The following USP32 variants were observed in gnomAD, a reference collection of about 807,000 sequenced individuals.
USP32 encodes the protein ubiquitin carboxyl-terminal hydrolase 32.
Under a neutral mutation model 204.8 loss-of-function variants are expected in USP32, and 59 were observed. The ratio of observed to expected loss-of-function variants is 0.29; its 90% CI spans 0.23 to 0.36. USP32 has a LOEUF of 0.36. Among genes scored for constraint, USP32 ranks in the 10% least tolerant of loss-of-function variants. The pLI is 1.00. For synonymous variants in USP32, 517 were observed against 678.4 expected (o/e 0.76, Z 3.70); for missense variants, 1,160 against 1,946.4 (o/e 0.60, Z 7.60).
chr17:60,220,884 G>A (rs1164266012), intron 15 of USP32, among the ~76,000 whole-genome samples: 3 of 151,862 alleles, frequency 2.0e-5, no homozygotes, highest in Non-Finnish European at 1.5e-5. Context: ...TCCTGACTTC[G>A]TGATCCGCCC....
rs1205541743 is a variant in USP32 at position 60,211,524 on chromosome 17, A to G, written c.2180-10T>C. ...CCCTTTTCTGTGGGAACTGGAACAA[A>G]CAATATGAGAACCAAAGCTTAGCTG... On this transcript the variant is annotated splice_polypyrimidine_tract_variant and intron_variant, in intron 19 of 33. Transcript: ENST00000300896. The G allele has an allele frequency of 6.2e-7, 1 of 1,606,246 alleles. No individual in the cohort carries two copies. Among genetic ancestry groups the G allele is most frequent in the East Asian group, 2.2e-5 (1 of 44,744 alleles).
chr17:60,220,019 T>C (rs1029022405), intron 15 of USP32, among the ~76,000 whole-genome samples: 5 of 151,538 alleles, frequency 3.3e-5, no homozygotes, highest in African/African-American at 9.7e-5. Context: ...TCTTCTCCCC[T>C]TTTATTTAAA....
intron 15 of USP32, among the ~76,000 whole-genome samples, chr17:60,220,330 T>A (rs1195312914): frequency 6.6e-6 from 1 of 152,188 alleles, no homozygotes; most frequent in African/African-American, 2.4e-5. Context: ...TTCGTTAATA[T>A]GAAGAGTATT....
intron 3 of USP32, among the ~76,000 whole-genome samples, chr17:60,298,256 C>T (rs1016849710): frequency 8.5e-5 from 13 of 152,188 alleles, no homozygotes; most frequent in African/African-American, 3.1e-4. Context: ...TGGCCAACCT[C>T]TTCAGCATAA....
rs546051518 is a variant in USP32, at chr17:60,197,793, C to T, written c.3434+467G>A. ...TATCTAGATTTATGAAATTACTTCA[C>T]GTTAAAATGACATGGTAAGGGAAAA... On this transcript the variant is annotated intron_variant, in intron 27 of 33. Coordinates refer to ENST00000300896, the MANE Select transcript of USP32 (RefSeq NM_032582.4). Among the ~76,000 whole-genome samples, 333 of 152,052 alleles carry T rather than the reference C, an allele frequency of 2.2e-3. 4 individuals carry two copies. The highest frequency in any genetic ancestry group is 7.5e-3 in the African/African-American group (311 of 41,472).
chr17:60,291,533 G>C (rs2087275012), intron 4 of USP32, among the ~76,000 whole-genome samples: 1 of 133,386 alleles, frequency 7.5e-6, no homozygotes, highest in Non-Finnish European at 1.6e-5. Context: ...CTCTCTGTGT[G>C]TGTATGTGTG....
chr17:60,208,867 A>G lies in USP32; in HGVS notation c.2599-39T>C, dbSNP rs762804973. ...AGATGAGAATTTTCTCTCAAAATCC[A>G]AAAGAGAAGCATTTCTATATAAATT... is the stretch of plus-strand genomic sequence containing the variant. On this transcript the variant is annotated intron_variant, in intron 22 of 33. Coordinates refer to ENST00000300896, the MANE Select transcript of USP32 (RefSeq NM_032582.4). 3.3e-5 allele frequency: 50 copies of G among 1,519,396 alleles called. 1 individual carries two copies. The South Asian group carries it at 3.8e-4, about 11-fold the overall frequency. The allele number at this position is 1,519,396 out of a possible 1,614,324, so 94.1% of individuals were successfully genotyped here. A position where few individuals can be genotyped will look rare whatever the true frequency, so the allele number is the denominator to read the frequency against.
intron 1 of USP32, among the ~76,000 whole-genome samples, chr17:60,356,402 T>C (rs756546968): frequency 6.6e-6 from 1 of 152,084 alleles, no homozygotes; most frequent in Non-Finnish European, 1.5e-5. Context: ...TCTCTCACTT[T>C]GGCTGACCTT....
rs1046657086 is a variant in USP32 at position 60,371,856 on chromosome 17, T to C, written c.58+20026A>G. 5.3e-5 allele frequency among the ~76,000 whole-genome samples: 8 copies of C among 152,270 alleles called. No homozygotes were observed. The South Asian group carries it at 1.7e-3, about 32-fold the overall frequency. The stretch of plus-strand genomic sequence containing the variant: ...GTGACAGTGTTCAGGGTTGAATTAG[T>C]GATAAATACTTAGAATACTAAGCAA... On this transcript the variant is annotated intron_variant, in intron 1 of 33. Coordinates refer to ENST00000300896, the MANE Select transcript of USP32 (RefSeq NM_032582.4).
intron 1 of USP32, among the ~76,000 whole-genome samples, chr17:60,352,044 G>C (rs557548798): frequency 6.6e-6 from 1 of 152,278 alleles, no homozygotes; most frequent in Non-Finnish European, 1.5e-5. Flanking sequence ...TATAAATGGA[G>C]TACAGGGTAT....
chr17:60,319,584 C>T (rs2088064146), intron 2 of USP32, among the ~76,000 whole-genome samples: 1 of 152,048 alleles, frequency 6.6e-6, no homozygotes, highest in Admixed American at 6.6e-5. Flanking sequence ...TTGAGACCAG[C>T]CTGGGCAACA....
intron 2 of USP32, among the ~76,000 whole-genome samples, chr17:60,322,664 G>C (rs1232288058): frequency 6.6e-6 from 1 of 152,078 alleles, no homozygotes; most frequent in South Asian, 2.1e-4. Flanking sequence ...TAGACTTGGA[G>C]TTACATTTAT....
intron 1 of USP32, among the ~76,000 whole-genome samples, chr17:60,349,706 G>A (rs1364057711): frequency 7.6e-6 from 1 of 130,738 alleles, no homozygotes; most frequent in East Asian, 2.2e-4. Context: ...GCAATCTGAT[G>A]ACTAATGAAT....
At chr17:60,234,428 T>TA (rs986130187) in intron 12 of USP32, among the ~76,000 whole-genome samples, 4 of 146,610 alleles carry the variant, frequency 2.7e-5, no homozygotes. Flanking sequence ...ATGACTAATT[T>TA]AAAAAAAAAT....
At chr17:60,386,524 T>A (rs1052108485) in intron 1 of USP32, among the ~76,000 whole-genome samples, 28 of 152,206 alleles carry the variant, frequency 1.8e-4, no homozygotes, top group Admixed American at 6.5e-5. Flanking sequence ...GATCCAAGCA[T>A]GTAATCCAGT....
chr17:60,212,863 C>T (rs140014385), intron 18 of USP32, among the ~76,000 whole-genome samples: 2 of 151,992 alleles, frequency 1.3e-5, no homozygotes, highest in South Asian at 4.1e-4. Flanking sequence ...GACTGATTCT[C>T]GTGCCTCAGC....
In USP32 at chr17:60,202,639, T is replaced by C. The variant is rs565449691; in HGVS notation, c.3249+2808A>G. ...ATTTCTATCAATATTTTATTTTCTATATAGATGTCTTATGTGTCATTTTTA... is the reference window on the plus strand; with the variant it reads ...ATTTCTATCAATATTTTATTTTCTACATAGATGTCTTATGTGTCATTTTTA... On this transcript the variant is annotated intron_variant, in intron 26 of 33. Coordinates refer to ENST00000300896, the MANE Select transcript of USP32 (RefSeq NM_032582.4). Among the ~76,000 whole-genome samples, 21 of 152,248 alleles carry C rather than the reference T, an allele frequency of 1.4e-4. No homozygotes were observed. The South Asian group carries it at 3.9e-3, about 29-fold the overall frequency.
intron 1 of USP32, among the ~76,000 whole-genome samples, chr17:60,384,863 T>G (rs1378973714): frequency 2.0e-5 from 3 of 151,546 alleles, no homozygotes; most frequent in Non-Finnish European, 2.9e-5. Context: ...ATTCCAGCAT[T>G]TTGGGAGGTG....
chr17:60,387,561 T>C (rs530179527), intron 1 of USP32, among the ~76,000 whole-genome samples: 16 of 152,334 alleles, frequency 1.1e-4, no homozygotes, highest in African/African-American at 3.8e-4. Context: ...ATACTACTTT[T>C]GAACATATTA....
Sources: allele counts gnomAD v4.1 joint callset (sites outside exome capture counted in the v4.1 genomes callset), GRCh38; gene constraint gnomAD v4.1.1; transcripts MANE v1.5; gene names NCBI Gene and HGNC (gene_info 2026-07-23, HGNC 2026-07-21).